MTUS2: variants seen among roughly 807,000 people sequenced by gnomAD.
MTUS2 encodes microtubule-associated tumor suppressor candidate 2.
Under a neutral mutation model 114.1 loss-of-function variants are expected in MTUS2, and 40 were observed. The observed-to-expected ratio is 0.35, with a 90% CI of 0.27 to 0.46. The LOEUF (loss-of-function observed/expected upper bound fraction) is 0.46. Ranked by LOEUF, MTUS2 falls within the 20% of genes least tolerant of loss-of-function variation. MTUS2 has a pLI of 1.00. For synonymous variants in MTUS2, 688 were observed against 672.0 expected, an observed-to-expected ratio of 1.02 and a Z score of -0.37; for missense variants, 1,679 against 1,705.4, an observed-to-expected ratio of 0.98 and a Z score of 0.27.
chr13:29,394,215 ACATGTGCC>A (rs1873730378), intron 8 of MTUS2, among the ~76,000 whole-genome samples: 1 of 152,206 alleles, frequency 6.6e-6, no homozygotes, highest in African/African-American at 2.4e-5. Flanking sequence ...TGTCCTGAGA[ACATGTGCC>A]CAAGGTGATT....
intron 2 of MTUS2, among the ~76,000 whole-genome samples, chr13:28,988,591 A>T (rs1884689717): frequency 6.6e-6 from 1 of 152,248 alleles, no homozygotes; most frequent in South Asian, 2.1e-4. Flanking sequence ...ATCTAAATGT[A>T]TACAGCCACT....
intron 1 of MTUS2, among the ~76,000 whole-genome samples, chr13:28,822,021 T>C (rs1555264918): frequency 1.3e-5 from 2 of 152,238 alleles, no homozygotes; most frequent in Non-Finnish European, 2.9e-5. Context: ...TGAGTAGTAG[T>C]GGCAGGATAT....
chr13:29,154,174 TTAA>T (rs1217921991), intron 5 of MTUS2, among the ~76,000 whole-genome samples: 1 of 152,212 alleles, frequency 6.6e-6, no homozygotes, highest in Non-Finnish European at 1.5e-5. Flanking sequence ...ATTTCATAGA[TTAA>T]CTTAATAGAA....
intron 8 of MTUS2, among the ~76,000 whole-genome samples, chr13:29,362,601 T>G (rs1870359841): frequency 6.6e-6 from 1 of 152,124 alleles, no homozygotes; most frequent in Non-Finnish European, 1.5e-5. Flanking sequence ...GCAGGAGTAT[T>G]GCTTGAACCC....
chr13:29,358,563 A>G (rs2138221807), intron 7 of MTUS2, among the ~76,000 whole-genome samples: 1 of 152,286 alleles, frequency 6.6e-6, no homozygotes, highest in Non-Finnish European at 1.5e-5. Flanking sequence ...CACGTGTGCA[A>G]AGGTCATTCT....
At chr13:28,989,672 C>T (rs180853669) in intron 2 of MTUS2, among the ~76,000 whole-genome samples, 6 of 152,134 alleles carry the variant, frequency 3.9e-5, no homozygotes, top group East Asian at 1.9e-4. Flanking sequence ...TGAGGGTGGA[C>T]GGCAGCCACC....
intron 5 of MTUS2, among the ~76,000 whole-genome samples, chr13:29,266,815 C>T (rs538897406): frequency 3.3e-5 from 5 of 152,212 alleles, no homozygotes; most frequent in East Asian, 1.9e-4. Context: ...GCTTGGACAG[C>T]GGACGTCTCA....
At chr13:28,900,091 T>C (rs1879550185) in intron 2 of MTUS2, among the ~76,000 whole-genome samples, 1 of 152,172 alleles carries the variant, frequency 6.6e-6, no homozygotes, top group African/African-American at 2.4e-5. Context: ...TTTCACCATG[T>C]CGGCCAGGTT....
intron 2 of MTUS2, among the ~76,000 whole-genome samples, chr13:28,911,776 A>G (rs566865434): frequency 3.2e-4 from 46 of 141,748 alleles, no homozygotes; most frequent in African/African-American, 1.2e-3. Context: ...TTTTTTTCAT[A>G]TGTTTATTGG....
At chr13:29,462,900 T>A (rs1192112426) in intron 9 of MTUS2, among the ~76,000 whole-genome samples, 1 of 152,148 alleles carries the variant, frequency 6.6e-6, no homozygotes, top group Non-Finnish European at 1.5e-5. Context: ...CCCGATGATG[T>A]CCTCGTTCTA....
At chr13:28,840,734 G>C in intron 2 of MTUS2, among the ~76,000 whole-genome samples, 1 of 152,136 alleles carries the variant, frequency 6.6e-6, no homozygotes, top group East Asian at 1.9e-4. Flanking sequence ...TAGACTCTAA[G>C]GAAGGGACAC....
chr13:28,872,981 G>T (rs966025147), intron 2 of MTUS2, among the ~76,000 whole-genome samples: 3 of 152,114 alleles, frequency 2.0e-5, no homozygotes, highest in Non-Finnish European at 2.9e-5. Flanking sequence ...CAGTAAATCT[G>T]ACAGCTGACT....
chr13:28,916,794 C>T (rs1880769745), intron 2 of MTUS2, among the ~76,000 whole-genome samples: 1 of 151,632 alleles, frequency 6.6e-6, no homozygotes, highest in South Asian at 2.1e-4. Flanking sequence ...GCTGGGACTT[C>T]CAGTACTATC....
chr13:29,302,371 G>T (rs2139610736), intron 6 of MTUS2, among the ~76,000 whole-genome samples: 1 of 152,270 alleles, frequency 6.6e-6, no homozygotes, highest in South Asian at 2.1e-4. Context: ...AGATCCCCTT[G>T]TGAGCCCATG....
At chr13:29,424,826 T>C (rs989995753) in intron 8 of MTUS2, among the ~76,000 whole-genome samples, 3 of 151,714 alleles carry the variant, frequency 2.0e-5, no homozygotes, top group Admixed American at 6.6e-5. Flanking sequence ...GTCAATGGCA[T>C]GGCAGCAAAA....
At chr13:29,135,471 G>C (rs1298442228) in intron 5 of MTUS2, among the ~76,000 whole-genome samples, 1 of 152,020 alleles carries the variant, frequency 6.6e-6, no homozygotes, top group Non-Finnish European at 1.5e-5. Flanking sequence ...TCATGTTTTT[G>C]TTTTTTATCC....
At chr13:28,865,325 G>A (rs1379837005) in intron 2 of MTUS2, among the ~76,000 whole-genome samples, 1 of 152,142 alleles carries the variant, frequency 6.6e-6, no homozygotes, top group Non-Finnish European at 1.5e-5. Context: ...AGAGTAATGA[G>A]CATGGTGCTA....
chr13:29,183,445 A>G (rs1593571405), intron 5 of MTUS2, among the ~76,000 whole-genome samples: 2 of 152,222 alleles, frequency 1.3e-5, no homozygotes, highest in East Asian at 3.9e-4. Flanking sequence ...GGAATTATCT[A>G]TTAGACTTCT....
chr13:29,492,159 T>G (rs144414290), intron 11 of MTUS2, among the ~76,000 whole-genome samples: 1 of 16,722 alleles, frequency 6.0e-5, no homozygotes, highest in African/African-American at 1.6e-4. Flanking sequence ...TATGTGTGTG[T>G]GGTGTGTATG....
Sources: allele counts gnomAD v4.1 joint callset (sites outside exome capture counted in the v4.1 genomes callset), GRCh38; gene constraint gnomAD v4.1.1; transcripts MANE v1.5; gene names NCBI Gene and HGNC (gene_info 2026-07-23, HGNC 2026-07-21).